Variants in WLS observed in about 807,000 individuals in gnomAD.
WLS encodes the protein protein wntless homolog.
Under a neutral mutation model 62.8 loss-of-function variants are expected in WLS, and 23 were observed. The observed-to-expected ratio is 0.37, with a 90% CI of 0.26 to 0.52. The LOEUF is 0.52. Among genes scored for constraint, WLS ranks in the 20% least tolerant of loss-of-function variants. The pLI is 0.92. For synonymous variants in WLS, 246 were observed against 244.1 expected, an observed-to-expected ratio of 1.01 and a Z score of -0.07; for missense variants, 615 against 697.3, an observed-to-expected ratio of 0.88 and a Z score of 1.33.
intron 11 of WLS, among the ~76,000 whole-genome samples, chr1:68,106,624 G>T (rs1646147670): frequency 2.0e-5 from 3 of 152,302 alleles, no homozygotes; most frequent in Middle Eastern, 3.4e-3. Context: ...ACATTTCAGT[G>T]TAGGCAGCTC....
chr1:68,209,143 A>T (rs984145265), intron 1 of WLS, among the ~76,000 whole-genome samples: 91 of 117,596 alleles, frequency 7.7e-4, no homozygotes, highest in African/African-American at 2.3e-3. Context: ...TGGCAAGTTC[A>T]GGGGGGGTGT....
At chr1:68,169,402 C>A (rs906055625) in intron 2 of WLS, among the ~76,000 whole-genome samples, 24 of 152,264 alleles carry the variant, frequency 1.6e-4, no homozygotes, top group Admixed American at 2.6e-4. Context: ...TAGAAAAAAA[C>A]CATATCTATT....
In WLS at chr1:68,126,297, T is replaced by G. The variant is rs749937551; in HGVS notation, c.1555A>C (p.Thr519Pro). The change falls in exon 12 of 12, where the codon ACC becomes CCC. Residue 519 changes from threonine to proline, a missense_variant. Coordinates refer to ENST00000262348, the MANE Select transcript of WLS (RefSeq NM_024911.7). ...GVHSGEELQLTTTITHVDGPT... is the reference protein window; with the variant it reads ...GVHSGEELQLPTTITHVDGPT... ...CCGTCCACATGGGTGATAGTGGTGG[T>G]GAGCTGGAGTTCTTCCCCACTATGG... The G allele has an allele frequency of 1.9e-6, 3 of 1,614,118 alleles. No homozygotes were observed. Among genetic ancestry groups the G allele is most frequent in the Admixed American group, 3.3e-5 (2 of 60,018 alleles).
At chr1:68,203,740 A>G (rs1649154743) in intron 1 of WLS, among the ~76,000 whole-genome samples, 1 of 152,206 alleles carries the variant, frequency 6.6e-6, no homozygotes, top group African/African-American at 2.4e-5. Context: ...ATAGTGAGAG[A>G]CAGGAATTCA....
Position 68,112,526 on chromosome 1 carries a change from G to A in WLS, c.1511-13773C>T, listed in dbSNP as rs142470713. On this transcript the variant is annotated intron_variant, in intron 11 of 11. Coordinates refer to the WLS transcript ENST00000354777. The stretch of plus-strand genomic sequence containing the variant: ...GCACCCCAGACTCTCTGCTAAACAG[G>A]CTACTTTAGTCATTGCCACCCAAAT... Among the ~76,000 whole-genome samples, 58 of 152,270 alleles carry A rather than the reference G, an allele frequency of 3.8e-4. No homozygotes were observed. In the East Asian group the frequency reaches 0.011, roughly 29 times the overall value.
chr1:68,204,405 C>A (rs780769077), intron 1 of WLS, among the ~76,000 whole-genome samples: 2 of 151,936 alleles, frequency 1.3e-5, no homozygotes, highest in Admixed American at 6.6e-5. Flanking sequence ...CTGCAAGCTC[C>A]GCCTCCCGGG....
At chr1:68,156,366 G>A (rs1312426110) in intron 3 of WLS, among the ~76,000 whole-genome samples, 1 of 152,218 alleles carries the variant, frequency 6.6e-6, no homozygotes, top group Non-Finnish European at 1.5e-5. Context: ...ATCCACTGAA[G>A]AAGTGAGAAG....
At chr1:68,226,809 A>G (rs953477793) in intron 1 of WLS, among the ~76,000 whole-genome samples, 1 of 152,192 alleles carries the variant, frequency 6.6e-6, no homozygotes. Flanking sequence ...CCTTTATATA[A>G]TTTCAACAAA....
At chr1:68,180,208 C>A (rs982890723) in intron 2 of WLS, among the ~76,000 whole-genome samples, 3 of 151,832 alleles carry the variant, frequency 2.0e-5, no homozygotes, top group Admixed American at 6.6e-5. Flanking sequence ...AGGCTGCTCA[C>A]TACTGGTAGA....
Position 68,153,659 on chromosome 1 carries a change from C to G in WLS, c.667-6G>C. 6.2e-7 allele frequency: 1 copy of G among 1,613,988 alleles called. No homozygotes were observed. Among genetic ancestry groups the G allele is most frequent in the Non-Finnish European group, 8.5e-7 (1 of 1,179,978 alleles). On this transcript the variant is annotated splice_region_variant and splice_polypyrimidine_tract_variant and intron_variant, in intron 4 of 11. Coordinates refer to ENST00000262348, the MANE Select transcript of WLS (RefSeq NM_024911.7). ...CCTCCATTTTGGTGGATCCCCTAGG[C>G]AGAGACCAGTGATAATTTTGAAGGT...
intron 8 of WLS, among the ~76,000 whole-genome samples, chr1:68,147,599 T>C (rs1284832185): frequency 6.6e-5 from 10 of 152,234 alleles, no homozygotes; most frequent in Admixed American, 5.9e-4. Flanking sequence ...TCACTTCTGC[T>C]TCATGAAGAT....
intron 2 of WLS, among the ~76,000 whole-genome samples, chr1:68,171,538 A>T (rs1044928576): frequency 2.6e-5 from 4 of 152,232 alleles, no homozygotes; most frequent in African/African-American, 9.6e-5. Flanking sequence ...AGAAGATTCT[A>T]ATGCAGCCAA....
At chr1:68,151,171 TTG>T (rs1188139221) in intron 5 of WLS, among the ~76,000 whole-genome samples, 5 of 152,116 alleles carry the variant, frequency 3.3e-5, no homozygotes, top group African/African-American at 1.2e-4. Flanking sequence ...TGGAGCTGAC[TTG>T]TGAGTCAAAG....
At chr1:68,105,770 A>C (rs1259234547) in intron 11 of WLS, among the ~76,000 whole-genome samples, 1 of 152,156 alleles carries the variant, frequency 6.6e-6, no homozygotes, top group Non-Finnish European at 1.5e-5. Context: ...GCTAGAAATA[A>C]GGGGTGGAAA....
chr1:68,177,346 T>A (rs1277803534), intron 2 of WLS, among the ~76,000 whole-genome samples: 3 of 152,142 alleles, frequency 2.0e-5, no homozygotes, highest in Non-Finnish European at 4.4e-5. Flanking sequence ...AAGGTTAAAG[T>A]CCTTGACCTG....
At chr1:68,189,290 T>C (rs1219677529) in intron 2 of WLS, among the ~76,000 whole-genome samples, 2 of 152,158 alleles carry the variant, frequency 1.3e-5, no homozygotes, top group African/African-American at 4.8e-5. Flanking sequence ...ATAAGTCAAG[T>C]GCTTCCTTTA....
intron 1 of WLS, among the ~76,000 whole-genome samples, chr1:68,229,380 G>A (rs775491275): frequency 6.6e-6 from 1 of 152,050 alleles, no homozygotes; most frequent in Non-Finnish European, 1.5e-5. Flanking sequence ...CAGTTCAAAG[G>A]GGACATTTCT....
rs1368836279 is a variant in WLS, at chr1:68,110,732, T to G, written c.1511-11979A>C. Among the ~76,000 whole-genome samples, 5 of 75,902 alleles carry G rather than the reference T, an allele frequency of 6.6e-5. No homozygotes were observed. The Admixed American group carries it at 8.2e-4, about 12-fold the overall frequency. 49.8% of individuals were successfully genotyped at this position (75,902 alleles called of 152,430 possible). The stretch of plus-strand genomic sequence containing the variant: ...GTGTATGTGTATGTATATATATGTT[T>G]GTATATATATGTGTGTATATATATA... On this transcript the variant is annotated intron_variant, in intron 11 of 11. Coordinates refer to the WLS transcript ENST00000354777.
At chr1:68,110,007 T>TAAAAAAAAAAAAA (rs11290966) in intron 11 of WLS, among the ~76,000 whole-genome samples, 2 of 28,430 alleles carry the variant, frequency 7.0e-5, no homozygotes, top group African/African-American at 3.2e-4. Flanking sequence ...ACACAAAAAG[T>TAAAAAAAAAAAAA]AAAAAAAAAA....
Sources: allele counts gnomAD v4.1 joint callset (sites outside exome capture counted in the v4.1 genomes callset), GRCh38; gene constraint gnomAD v4.1.1; transcripts MANE v1.5; gene names NCBI Gene and HGNC (gene_info 2026-07-23, HGNC 2026-07-21).